IL23R: variants seen among roughly 807,000 people sequenced by gnomAD.
The protein encoded by IL23R is interleukin 23 receptor.
Under a neutral mutation model 56.9 loss-of-function variants are expected in IL23R, and 34 were observed. The ratio of observed to expected loss-of-function variants is 0.60; its 90% CI spans 0.45 to 0.80. The LOEUF is 0.80. Among genes scored for constraint, IL23R ranks in the 30% least tolerant of loss-of-function variants. IL23R has a pLI of 0.00. For synonymous variants in IL23R, 230 were observed against 249.2 expected (o/e 0.92, Z 0.73); for missense variants, 635 against 730.0 (o/e 0.87, Z 1.50).
intron 6 of IL23R, chr1:67,207,795 T>TG (rs1231279462): frequency 5.6e-6 from 1 of 179,878 alleles, no homozygotes; most frequent in Non-Finnish European, 1.2e-5. Flanking sequence ...ACCAGTAGAG[T>TG]GGGGCATTGC....
chr1:67,163,897 G>A (rs1213788812), upstream of IL23R, among the ~76,000 whole-genome samples: 1 of 152,168 alleles, frequency 6.6e-6, no homozygotes, highest in African/African-American at 2.4e-5. Context: ...CACAAGAACA[G>A]TCTAATACAC....
At position 67,259,208 on chromosome 1, in the gene IL23R, T is replaced by G; in HGVS notation, c.*80T>G. On this transcript the variant is annotated 3_prime_UTR_variant, in exon 11 of 11. Transcript: ENST00000347310. Reference sequence around the variant, plus strand: ...TTTCCCTGCAATAGAAATTGAATTCTGCCTCTTTTTGAAAAAAATGTATTC... The same window carrying G: ...TTTCCCTGCAATAGAAATTGAATTCGGCCTCTTTTTGAAAAAAATGTATTC... 1 of 1,352,732 alleles carries G rather than the reference T, an allele frequency of 7.4e-7. No homozygotes were observed. The highest frequency in any genetic ancestry group is 1.1e-6 in the Non-Finnish European group (1 of 952,120). 83.8% of individuals were successfully genotyped at this position (1,352,732 alleles called of 1,614,324 possible).
intron 9 of IL23R, among the ~76,000 whole-genome samples, chr1:67,242,171 G>A (rs1444599027): frequency 6.6e-6 from 1 of 152,182 alleles, no homozygotes; most frequent in Non-Finnish European, 1.5e-5. Context: ...GAAGAGTGAA[G>A]GCCTCCTGGC....
At chr1:67,223,011 T>C (rs1650399981) in intron 7 of IL23R, among the ~76,000 whole-genome samples, 2 of 152,152 alleles carry the variant, frequency 1.3e-5, no homozygotes, top group Admixed American at 1.3e-4. Context: ...CCCAGCACTT[T>C]AAGAGGCCAA....
chr1:67,188,294 G>A (rs1173191918), intron 4 of IL23R, among the ~76,000 whole-genome samples: 1 of 152,172 alleles, frequency 6.6e-6, no homozygotes, highest in Non-Finnish European at 1.5e-5. Flanking sequence ...AAGTGGTAAA[G>A]AGCAAAGGAG....
intron 1 of IL23R, among the ~76,000 whole-genome samples, chr1:67,159,253 A>T (rs576273641): frequency 2.7e-5 from 4 of 150,106 alleles, no homozygotes; most frequent in African/African-American, 9.8e-5. Context: ...AGTGATTGAT[A>T]GTGAGACTAT....
rs765123491 is a variant in IL23R, at chr1:67,207,071, A to G, written c.798+16A>G. The G allele has an allele frequency of 1.7e-5, 27 of 1,613,528 alleles. No homozygotes were observed. In the East Asian group the frequency reaches 5.8e-4, roughly 35 times the overall value. The stretch of plus-strand genomic sequence containing the variant: ...AACTTGGAATGTAAGCTCAACTTTC[A>G]TTATGCTTTAGCATGTGAATGAATG... On this transcript the variant is annotated intron_variant, in intron 6 of 10. Coordinates refer to ENST00000347310, the MANE Select transcript of IL23R (RefSeq NM_144701.3).
intron 6 of IL23R, among the ~76,000 whole-genome samples, chr1:67,215,664 A>G (rs563255041): frequency 3.0e-4 from 46 of 152,324 alleles, no homozygotes; most frequent in African/African-American, 1.1e-3. Context: ...TCAAAATGTC[A>G]TCAAGGCTCT....
At chr1:67,213,381 G>T (rs990113369) in intron 6 of IL23R, among the ~76,000 whole-genome samples, 5 of 152,188 alleles carry the variant, frequency 3.3e-5, no homozygotes, top group Admixed American at 1.3e-4. Context: ...AGCAGGGATA[G>T]TAGAGCAAAG....
At chr1:67,143,936 G>A (rs1646659359) in intron 1 of IL23R, among the ~76,000 whole-genome samples, 1 of 152,122 alleles carries the variant, frequency 6.6e-6, no homozygotes, top group East Asian at 1.9e-4. Context: ...AAAATGCAGA[G>A]AAAACTATGT....
chr1:67,213,763 G>A (rs1241024191), intron 6 of IL23R, among the ~76,000 whole-genome samples: 1 of 152,120 alleles, frequency 6.6e-6, no homozygotes, highest in African/African-American at 2.4e-5. Context: ...TGATGAAATC[G>A]CTTAATGATG....
intron 1 of IL23R, among the ~76,000 whole-genome samples, chr1:67,157,905 A>G (rs1473871194): frequency 1.3e-5 from 2 of 152,226 alleles, no homozygotes; most frequent in Non-Finnish European, 2.9e-5. Context: ...TTATTGGAAC[A>G]TATTACACAC....
intron 9 of IL23R, among the ~76,000 whole-genome samples, chr1:67,246,921 C>G (rs1652263790): frequency 6.6e-6 from 1 of 152,148 alleles, no homozygotes; most frequent in Non-Finnish European, 1.5e-5. Context: ...GTGTTAAAGT[C>G]TCCCACTATT....
chr1:67,145,208 T>C (rs1646668863), intron 1 of IL23R, among the ~76,000 whole-genome samples: 1 of 152,092 alleles, frequency 6.6e-6, no homozygotes, highest in Admixed American at 6.6e-5. Flanking sequence ...TTAGCCAGGC[T>C]TGGTGGCGGG....
intron 6 of IL23R, among the ~76,000 whole-genome samples, chr1:67,210,506 A>G (rs995227972): frequency 1.3e-5 from 2 of 151,556 alleles, no homozygotes; most frequent in Admixed American, 6.6e-5. Context: ...TTCATCACCC[A>G]GGCTGAAGTT....
intron 5 of IL23R, among the ~76,000 whole-genome samples, chr1:67,205,823 C>T (rs1454526119): frequency 6.6e-6 from 1 of 152,124 alleles, no homozygotes; most frequent in African/African-American, 2.4e-5. Flanking sequence ...TTCCCTAATA[C>T]ACAAGAGAAG....
chr1:67,238,180 T>G (rs1460267497), intron 8 of IL23R, among the ~76,000 whole-genome samples: 1 of 151,814 alleles, frequency 6.6e-6, no homozygotes, highest in Non-Finnish European at 1.5e-5. Flanking sequence ...AAACCCCATT[T>G]TTACAAAAAA....
At chr1:67,209,626 C>A (rs1296166590) in intron 6 of IL23R, among the ~76,000 whole-genome samples, 1 of 152,120 alleles carries the variant, frequency 6.6e-6, no homozygotes, top group African/African-American at 2.4e-5. Context: ...AGCTATAAGT[C>A]CAATTAAACC....
upstream of IL23R, among the ~76,000 whole-genome samples, chr1:67,165,787 A>G (rs1358100672): frequency 6.6e-6 from 1 of 152,224 alleles, no homozygotes; most frequent in African/African-American, 2.4e-5. Context: ...CAGATGATAG[A>G]ATGGTGGTTA....
Sources: gnomAD v4.1 joint callset for allele counts (sites outside exome capture counted in the v4.1 genomes callset) on GRCh38, gnomAD v4.1.1 for gene constraint, MANE v1.5 for transcripts, NCBI Gene and HGNC (gene_info 2026-07-23, HGNC 2026-07-21) for gene names.